EML4: variants seen among roughly 807,000 people sequenced by gnomAD.
EML4 encodes EMAP like 4, also known as echinoderm microtubule-associated protein-like 4.
In EML4, 72 loss-of-function variants were observed where a neutral mutation model predicts 129.0. The ratio of observed to expected loss-of-function variants is 0.56; its 90% CI spans 0.46 to 0.68. EML4 has a LOEUF of 0.68. Ranked by LOEUF, EML4 falls within the 30% of genes least tolerant of loss-of-function variation. The pLI is 0.00. For synonymous variants in EML4, 532 were observed against 405.0 expected, an observed-to-expected ratio of 1.31 and a Z score of -3.77; for missense variants, 1,363 against 1,190.6, an observed-to-expected ratio of 1.14 and a Z score of -2.13.
intron 1 of EML4, among the ~76,000 whole-genome samples, chr2:42,216,139 C>G (rs775126949): frequency 2.7e-5 from 4 of 149,632 alleles, no homozygotes; most frequent in Admixed American, 1.3e-4. Flanking sequence ...AGGCTGGTCT[C>G]AAACTCCTGA....
Position 42,190,075 on chromosome 2 carries a change from G to A in EML4, c.25+20439G>A, listed in dbSNP as rs117692308. Among the ~76,000 whole-genome samples the A allele has an allele frequency of 1.8e-3, 272 of 152,126 alleles. 3 individuals carry two copies. Among genetic ancestry groups the A allele is most frequent in the East Asian group, 6.6e-3 (34 of 5,186 alleles). On this transcript the variant is annotated intron_variant, in intron 1 of 22. Transcript: ENST00000318522. Reference sequence around the variant, plus strand: ...TTGATTTTAAATTTAGAAATGCAGGGAAGAGGCAAGATTTGTTAAAAGAAA... The same window carrying A: ...TTGATTTTAAATTTAGAAATGCAGGAAAGAGGCAAGATTTGTTAAAAGAAA...
intron 2 of EML4, among the ~76,000 whole-genome samples, chr2:42,248,453 T>G (rs1052963677): frequency 9.2e-5 from 14 of 152,184 alleles, no homozygotes; most frequent in African/African-American, 3.4e-4. Context: ...TGTCATGAAA[T>G]ATAAATACAG....
intron 21 of EML4, 114 bp downstream of exon 21, chr2:42,326,366 T>A: frequency 1.5e-6 from 1 of 679,830 alleles, no homozygotes; most frequent in Non-Finnish European, 2.4e-6. Context: ...GCTTTATCAC[T>A]ATTAATGTCA....
intron 1 of EML4, among the ~76,000 whole-genome samples, chr2:42,221,959 C>T (rs577123276): frequency 6.6e-6 from 1 of 151,972 alleles, no homozygotes; most frequent in Non-Finnish European, 1.5e-5. Context: ...TGGTCTCGAA[C>T]TCCTGGGCTC....
chr2:42,330,190 C>A lies in EML4; in HGVS notation c.2929C>A (p.Pro977Thr). 3 of 1,612,398 alleles carry A rather than the reference C, an allele frequency of 1.9e-6. No individual in the cohort carries two copies. The highest frequency in any genetic ancestry group is 1.7e-6 in the Non-Finnish European group (2 of 1,179,760). ...KATLLEDQQDPSPSS is the reference protein window; with the variant it reads ...KATLLEDQQDTSPSS The stretch of plus-strand genomic sequence containing the variant: ...CACCCTTCTGGAGGACCAGCAAGAC[C>A]CTTCGCCCTCGTCCTAACACCCTGG... Residue 977 changes from proline to threonine, a missense_variant, in exon 23 of 23, where the codon CCT becomes ACT. By Grantham distance (38) the Pro-to-Thr change is conservative (BLOSUM62 -1). Transcript: ENST00000318522.
chr2:42,195,027 A>G (rs1671821837), intron 1 of EML4, among the ~76,000 whole-genome samples: 1 of 152,184 alleles, frequency 6.6e-6, no homozygotes, highest in Non-Finnish European at 1.5e-5. Flanking sequence ...TATATTATAA[A>G]ATTATTAGTT....
intron 8 of EML4, among the ~76,000 whole-genome samples, chr2:42,283,421 G>A (rs1447745713): frequency 6.6e-6 from 1 of 152,122 alleles, no homozygotes; most frequent in African/African-American, 2.4e-5. Context: ...TATGCCGTAG[G>A]ATGTCATACT....
At chr2:42,187,128 C>T (rs970129271) in intron 1 of EML4, among the ~76,000 whole-genome samples, 2 of 152,004 alleles carry the variant, frequency 1.3e-5, no homozygotes, top group Non-Finnish European at 2.9e-5. Flanking sequence ...ACTGTAACGT[C>T]CAATTCCTGG....
Position 42,329,753 on chromosome 2 carries a change from G to C in EML4, c.2492G>C (p.Ser831Thr), listed in dbSNP as rs1669998651. 2.5e-6 allele frequency: 4 copies of C among 1,613,950 alleles called. No homozygotes were observed. The highest frequency in any genetic ancestry group is 3.4e-6 in the Non-Finnish European group (4 of 1,179,916). Residue 831 changes from serine to threonine, a missense_variant, in exon 23 of 23, where the codon AGT becomes ACT. Ser to Thr is a moderately conservative substitution (Grantham distance 58). Coordinates refer to ENST00000318522, the MANE Select transcript of EML4 (RefSeq NM_019063.5). ...ATATAGGCTCCCAGTCACAAGTACA[G>C]TGCCCACAGCAGCCATGTCACCAAT... is the stretch of plus-strand genomic sequence containing the variant. Reference protein sequence around the residue: ...SKAKAPSHKYSAHSSHVTNVS... With the variant: ...SKAKAPSHKYTAHSSHVTNVS...
chr2:42,234,826 T>C (rs72796544), intron 1 of EML4, among the ~76,000 whole-genome samples: 8,848 of 152,300 alleles, frequency 0.058, 341 homozygotes, highest in South Asian at 0.088. Flanking sequence ...GCTTGACTTT[T>C]ACTTTTGTGA....
intron 1 of EML4, among the ~76,000 whole-genome samples, chr2:42,180,010 A>G (rs562450555): frequency 1.3e-5 from 2 of 152,348 alleles, no homozygotes; most frequent in African/African-American, 4.8e-5. Flanking sequence ...GATGTTAATA[A>G]TAGGTTAATT....
chr2:42,200,129 G>A (rs1262040623), intron 1 of EML4, among the ~76,000 whole-genome samples: 1 of 118,022 alleles, frequency 8.5e-6, no homozygotes, highest in East Asian at 2.7e-4. Context: ...CTAACATGGT[G>A]AAACCCCATC....
intron 19 of EML4, among the ~76,000 whole-genome samples, chr2:42,319,054 A>G (rs1282332159): frequency 6.6e-6 from 1 of 152,228 alleles, no homozygotes; most frequent in Non-Finnish European, 1.5e-5. Flanking sequence ...CTTAATAAAC[A>G]GTATATCAAA....
rs113909364 is a variant in EML4 at position 42,245,532 on chromosome 2, C to A, written c.53C>A (p.Ser18Tyr). The change falls in exon 2 of 23, where the codon TCT becomes TAT. Residue 18 changes from serine to tyrosine, a missense_variant. Transcript: ENST00000318522. ...LDDSISAAST[S>Y]DVQDRLSALE... is the part of the protein sequence containing the mutation. ...GATAGTATTTCTGCTGCAAGTACTT[C>A]TGATGTTCAAGATCGCCTGTCAGCT... 1 of 1,613,252 alleles carries A rather than the reference C, an allele frequency of 6.2e-7. No homozygotes were observed. Among genetic ancestry groups the A allele is most frequent in the African/African-American group, 1.3e-5 (1 of 74,878 alleles).
intron 1 of EML4, among the ~76,000 whole-genome samples, chr2:42,222,960 G>A (rs1312563084): frequency 6.6e-5 from 10 of 151,882 alleles, no homozygotes; most frequent in African/African-American, 9.7e-5. Flanking sequence ...CACCACACCC[G>A]GTTAATTTTT....
At chr2:42,232,862 C>A (rs1041746221) in intron 1 of EML4, among the ~76,000 whole-genome samples, 1 of 151,764 alleles carries the variant, frequency 6.6e-6, no homozygotes, top group African/African-American at 2.4e-5. Context: ...GTAGCTGGGA[C>A]TACAGGCGCC....
intron 1 of EML4, among the ~76,000 whole-genome samples, chr2:42,221,540 G>T (rs750280740): frequency 1.3e-5 from 2 of 150,934 alleles, no homozygotes; most frequent in Non-Finnish European, 3.0e-5. Context: ...CTCCTGAGTA[G>T]CTGGGACTGT....
chr2:42,295,511 C>T lies in EML4; in HGVS notation c.1484C>T (p.Pro495Leu), dbSNP rs778354124. 2.5e-5 allele frequency: 41 copies of T among 1,611,260 alleles called. No homozygotes were observed. Among genetic ancestry groups the T allele is most frequent in the Admixed American group, 3.4e-5 (2 of 59,280 alleles). The stretch of plus-strand genomic sequence containing the variant: ...GTAGAGCCCACACCTGGGAAAGGAC[C>T]TAAAGGTACAGTATTCTTATATTAA... ...TTVEPTPGKG[P>L]KGVYQISKQI... The change falls in exon 13 of 23, where the codon CCT becomes CTT. Residue 495 changes from proline to leucine, a missense_variant. Physicochemically the swap from Pro to Leu is moderately conservative, Grantham distance 98 (BLOSUM62 -3). Transcript: ENST00000318522.
chr2:42,217,608 C>A (rs1185445748), intron 1 of EML4, among the ~76,000 whole-genome samples: 1 of 151,876 alleles, frequency 6.6e-6, no homozygotes, highest in African/African-American at 2.4e-5. Flanking sequence ...AATACTGTAC[C>A]CATGAAAAAG....
Sources: gnomAD v4.1 joint callset for allele counts (sites outside exome capture counted in the v4.1 genomes callset) on GRCh38, gnomAD v4.1.1 for gene constraint, MANE v1.5 for transcripts, NCBI Gene and HGNC (gene_info 2026-07-23, HGNC 2026-07-21) for gene names.